Variants in SLX4 observed in about 807,000 individuals in gnomAD.
The protein encoded by SLX4 is structure-specific endonuclease subunit SLX4.
A neutral mutation model predicts 146.2 loss-of-function variants in SLX4; 112 were observed. The observed-to-expected ratio is 0.77, with a 90% confidence interval of 0.66 to 0.90. The LOEUF (loss-of-function observed/expected upper bound fraction) is 0.90. Ranked by LOEUF, SLX4 falls within the 40% of genes least tolerant of loss-of-function variation. The probability of loss-of-function intolerance (pLI) is 0.00; values close to 1 mark genes in which losing one functional copy is unlikely to be tolerated. For missense variants in SLX4, 2,563 were observed against 2,392.7 expected (o/e 1.07, Z -1.49); for synonymous variants, 1,061 against 997.7 (o/e 1.06, Z -1.20).
chr16:3,591,053 C>T lies in SLX4; in HGVS notation c.2585G>A (p.Arg862Gln), dbSNP rs143558209. The change falls in exon 12 of 15, where the codon CGA becomes CAA. Residue 862 changes from arginine to glutamine, a missense_variant. Arg to Gln is a conservative substitution (Grantham distance 43). Transcript: ENST00000294008. ...EEIYEFAATQ[R>Q]KLLQEERAAG... ...TGCCCTTTCTTCCTGGAGAAGCTTT[C>T]GCTGAGTAGCTGCAAATTCATAAAT... The T allele has an allele frequency of 8.7e-5, 140 of 1,614,058 alleles. No individual in the cohort carries two copies. Among genetic ancestry groups the T allele is most frequent in the African/African-American group, 8.4e-4 (63 of 74,940 alleles).
In SLX4 at chr16:3,583,425, C is replaced by G. The variant is rs2151117019; in HGVS notation, c.4825G>C (p.Asp1609His). 2 of 1,613,982 alleles carry G rather than the reference C, an allele frequency of 1.2e-6. No individual in the cohort carries two copies. The highest frequency in any genetic ancestry group is 1.6e-4 in the Middle Eastern group (1 of 6,062). ...FQYTHQTLDS[D>H]SEDESQSSQP... ...GAGGACTGGCTCTCGTCCTCGGAGT[C>G]TGAGTCCAGGGTCTGGTGAGTGTAC... is the stretch of plus-strand genomic sequence containing the variant. Residue 1609 changes from aspartate to histidine, a missense_variant, in exon 14 of 15, where the codon GAC becomes CAC. By Grantham distance (81) the Asp-to-His change is moderately conservative. Coordinates refer to ENST00000294008, the MANE Select transcript of SLX4 (RefSeq NM_032444.4).
chr16:3,601,997 T>C (rs1319886944), intron 4 of SLX4, 121 bp downstream of exon 4: 7 of 1,164,058 alleles, frequency 6.0e-6, no homozygotes, highest in Middle Eastern at 4.8e-4. Flanking sequence ...AAGGGGTAGG[T>C]TGACAACAAA....
At chr16:3,583,539 C>T in intron 13 of SLX4, 29 bp from the exon 14 acceptor site, 1 of 1,612,282 alleles carries the variant, frequency 6.2e-7, no homozygotes, top group Non-Finnish European at 8.5e-7. Flanking sequence ...GATCTCAGGA[C>T]CCACCCACAC....
chr16:3,602,575 C>A (rs1466804516), intron 3 of SLX4, among the ~76,000 whole-genome samples: 1 of 152,182 alleles, frequency 6.6e-6, no homozygotes. Flanking sequence ...TTCAAGGGGT[C>A]CAGGTGCAGC....
At chr16:3,608,313 T>C (rs2040808812) in intron 2 of SLX4, 117 bp downstream of exon 2, 3 of 1,068,016 alleles carry the variant, frequency 2.8e-6, no homozygotes, top group Non-Finnish European at 4.3e-6. Context: ...TTTCTCACTA[T>C]GACAGCAGAG....
At position 3,592,741 on chromosome 16, in the gene SLX4, A is replaced by G. The variant is rs1376815370; in HGVS notation, c.2285T>C (p.Leu762Pro). 6.2e-7 allele frequency: 1 copy of G among 1,613,316 alleles called. No individual in the cohort carries two copies. Among genetic ancestry groups the G allele is most frequent in the Non-Finnish European group, 8.5e-7 (1 of 1,180,020 alleles). Reference sequence around the variant, plus strand: ...CAGCTCAGAGCTAAGGCCAGGAGGAAGGCCAGTGTCCGCAGTGTAGAGATA... The same window carrying G: ...CAGCTCAGAGCTAAGGCCAGGAGGAGGGCCAGTGTCCGCAGTGTAGAGATA... ...LHYLYTADTG[L>P]PPGLSSELSS... Residue 762 changes from leucine to proline, a missense_variant, in exon 11 of 15, where the codon CTT becomes CCT. Coordinates refer to ENST00000294008, the MANE Select transcript of SLX4 (RefSeq NM_032444.4).
Position 3,608,923 on chromosome 16 carries a change from C to G in SLX4, c.42G>C (p.Leu14Phe), listed in dbSNP as rs1332832206. 1 of 1,613,994 alleles carries G rather than the reference C, an allele frequency of 6.2e-7. No individual in the cohort carries two copies. Among genetic ancestry groups the G allele is most frequent in the South Asian group, 1.1e-5 (1 of 91,074 alleles). The change falls in exon 2 of 15, where the codon TTG becomes TTC. Residue 14 changes from leucine (L) to phenylalanine (F), a missense_variant. Physicochemically the swap from Leu to Phe is conservative, Grantham distance 22. Transcript: ENST00000294008. ...AGGCAGACAGATGAGAAAGTGAACC[C>G]AAGTAGAAGCCTAGCTGAGCCTCAT... ...SVNEAQLGFYLGSLSHLSACP... is the reference protein window; with the variant it reads ...SVNEAQLGFYFGSLSHLSACP...
At position 3,590,594 on chromosome 16, in the gene SLX4, C is replaced by T. The variant is rs2151124497; in HGVS notation, c.3044G>A (p.Gly1015Glu). 2 of 1,613,676 alleles carry T rather than the reference C, an allele frequency of 1.2e-6. No individual in the cohort carries two copies. Among genetic ancestry groups the T allele is most frequent in the South Asian group, 1.1e-5 (1 of 91,088 alleles). Reference sequence around the variant, plus strand: ...AGCCAGGCGATGAGAAACCTCCAGCCCCCTTTCCCTGACAGCGCCACTTTG... The same window carrying T: ...AGCCAGGCGATGAGAAACCTCCAGCTCCCTTTCCCTGACAGCGCCACTTTG... ...EEQSGAVRER[G>E]LEVSHRLAPW... Residue 1015 changes from glycine (G) to glutamate (E), a missense_variant, in exon 12 of 15, where the codon GGG becomes GAG. Coordinates refer to ENST00000294008, the MANE Select transcript of SLX4 (RefSeq NM_032444.4). The surrounding 1 kb of genome is among the most constrained non-coding windows in gnomAD (Gnocchi z 4.8).
At chr16:3,585,402 C>T (rs1008860348) in intron 12 of SLX4, among the ~76,000 whole-genome samples, 13 of 152,054 alleles carry the variant, frequency 8.5e-5, no homozygotes, top group South Asian at 4.2e-4. Context: ...CTGGCTAACA[C>T]GGTGAAACCC....
chr16:3,590,823 G>T lies in SLX4; in HGVS notation c.2815C>A (p.Arg939=). The T allele has an allele frequency of 6.2e-7, 1 of 1,614,034 alleles. No individual in the cohort carries two copies. Among genetic ancestry groups the T allele is most frequent in the Non-Finnish European group, 8.5e-7 (1 of 1,179,994 alleles). Reference sequence around the variant, plus strand: ...TCCTGCTCAGGGGCCTCTGCTCCCCGTGCCCCTGAGTGCTGGCCCTGGGGT... The same window carrying T: ...TCCTGCTCAGGGGCCTCTGCTCCCCTTGCCCCTGAGTGCTGGCCCTGGGGT... ...PPPQGQHSGA[R]GAEAPEQEAP... Residue 939 remains arginine (R), a synonymous_variant, in exon 12 of 15, where the codon CGG becomes AGG. Coordinates refer to ENST00000294008, the MANE Select transcript of SLX4 (RefSeq NM_032444.4). This position sits in a 1 kb window ranked among gnomAD's most constrained non-coding sequence, Gnocchi z 4.8.
chr16:3,604,302 G>A (rs969489785), intron 3 of SLX4, among the ~76,000 whole-genome samples: 1 of 151,554 alleles, frequency 6.6e-6, no homozygotes, highest in African/African-American at 2.4e-5. Flanking sequence ...GGATACTGCT[G>A]AGCTACAGCA....
Position 3,582,367 on chromosome 16 carries a change from C to G in SLX4, c.5480G>C (p.Gly1827Ala). 6.2e-7 allele frequency: 1 copy of G among 1,612,908 alleles called. No homozygotes were observed. The highest frequency in any genetic ancestry group is 8.5e-7 in the Non-Finnish European group (1 of 1,180,030). The change falls in exon 15 of 15, where the codon GGC (glycine) becomes GCC (alanine). Residue 1827 changes from glycine (G) to alanine (A), a missense_variant. Coordinates refer to ENST00000294008, the MANE Select transcript of SLX4 (RefSeq NM_032444.4). Reference protein sequence around the residue: ...KLQGRRRQPRGKKKVERN With the variant: ...KLQGRRRQPRAKKKVERN ...TCAGTTCCGCTCCACCTTCTTCTTG[C>G]CCCGAGGCTGCCGCCTCCTGCCCTG...
intron 7 of SLX4, 52 bp from the exon 8 acceptor site, chr16:3,596,445 C>A (rs1427984211): frequency 1.3e-6 from 2 of 1,540,608 alleles, no homozygotes; most frequent in Middle Eastern, 1.7e-4. Context: ...CATTGACGCA[C>A]ACACTGCAGA....
In SLX4 at chr16:3,596,179, C is replaced by T. The variant is rs1056085; in HGVS notation, c.1898G>A (p.Gly633Asp). The T allele has an allele frequency of 1.6e-3, 2,508 of 1,551,708 alleles. 34 individuals are homozygous for T. The African/African-American group carries it at 0.03, about 19-fold the overall frequency. Residue 633 changes from glycine (G) to aspartate (D), a missense_variant, in exon 8 of 15, where the codon GGC (glycine) becomes GAC (aspartate). Gly to Asp is a moderately conservative substitution (Grantham distance 94). Coordinates refer to ENST00000294008, the MANE Select transcript of SLX4 (RefSeq NM_032444.4). ...TGCAGTCCCTTCCGAGCCAGCCAGG[C>T]CCCCACTGCCGGGCCACGGGCTGGC... The part of the protein sequence containing the change: ...LSASPWPGSG[G>D]LAGSEGTAGL...
intron 11 of SLX4, among the ~76,000 whole-genome samples, chr16:3,591,718 G>GT (rs948176532): frequency 1.3e-5 from 2 of 152,158 alleles, no homozygotes; most frequent in Admixed American, 1.3e-4. Context: ...AAGGCCGGGA[G>GT]TTTGAGATCA....
Position 3,606,323 on chromosome 16 carries a change from G to C in SLX4, c.760+151C>G, listed in dbSNP as rs60172682. On this transcript the variant is annotated intron_variant, in intron 3 of 14. Coordinates refer to ENST00000294008, the MANE Select transcript of SLX4 (RefSeq NM_032444.4). Reference sequence around the variant, plus strand: ...TGATCCCAGAGACTCTTCATTCTCTGGCTGGATCCAGTGAAGTGGCAAAGG... The same window carrying C: ...TGATCCCAGAGACTCTTCATTCTCTCGCTGGATCCAGTGAAGTGGCAAAGG... 2,176 of 861,890 alleles carry C rather than the reference G, an allele frequency of 2.5e-3. 32 individuals are homozygous for C. In the African/African-American group the frequency reaches 0.032, roughly 13 times the overall value. 53.4% of individuals were successfully genotyped at this position (861,890 alleles called of 1,614,324 possible).
At chr16:3,596,600 CCT>C (rs2040662420) in intron 7 of SLX4, among the ~76,000 whole-genome samples, 1 of 152,234 alleles carries the variant, frequency 6.6e-6, no homozygotes, top group Admixed American at 6.5e-5. Flanking sequence ...ACATGCTCCT[CCT>C]CTGTCACGGC....
Position 3,597,410 on chromosome 16 carries a change from A to T in SLX4, c.1652T>A (p.Val551Asp). The change falls in exon 7 of 15, where the codon GTC becomes GAC. Residue 551 changes from valine (V) to aspartate (D), a missense_variant. Transcript: ENST00000294008. This position sits in a 1 kb window ranked among gnomAD's most constrained non-coding sequence, Gnocchi z 4.4. ...AMEDFYTARL[V>D]PPLVPQRPAQ... ...AGGCCGCTGGGGCACGAGAGGAGGG[A>T]CCAGCCTGGCCGTGTAGAAGTCCTC... 1 of 1,598,410 alleles carries T rather than the reference A, an allele frequency of 6.3e-7. No individual in the cohort carries two copies. The highest frequency in any genetic ancestry group is 8.5e-7 in the Non-Finnish European group (1 of 1,172,086).
rs753926402 is a variant in SLX4, at chr16:3,592,781, G to A, written c.2245C>T (p.Arg749Cys). Residue 749 changes from arginine to cysteine, a missense_variant, in exon 11 of 15, where the codon CGC becomes TGC. Physicochemically the swap from Arg to Cys is radical, Grantham distance 180 (BLOSUM62 -3). Transcript: ENST00000294008. ...LLGDVSTEAA[R>C]TFLHYLYTAD... is the part of the protein sequence containing the mutation. ...GTGTAGAGATAGTGCAGGAACGTGCGGGCGGCCTCGGTGCTCACGTCACCC... is the reference window on the plus strand; with the variant it reads ...GTGTAGAGATAGTGCAGGAACGTGCAGGCGGCCTCGGTGCTCACGTCACCC... 1.9e-5 allele frequency: 31 copies of A among 1,612,636 alleles called. 1 individual carries two copies. In the Middle Eastern group the frequency reaches 1.4e-3, roughly 72 times the overall value.
Sources: gnomAD v4.1 joint callset for allele counts (sites outside exome capture counted in the v4.1 genomes callset) on GRCh38, gnomAD v4.1.1 for gene constraint, Gnocchi (gnomAD v3.1) non-coding constraint, MANE v1.5 for transcripts, NCBI Gene and HGNC (gene_info 2026-07-23, HGNC 2026-07-21) for gene names.